The following TBC1D28 variants were observed in gnomAD, a reference collection of about 807,000 sequenced individuals.
TBC1D28 encodes TBC1 domain family member 28.
In TBC1D28, 20 loss-of-function variants were observed where a neutral mutation model predicts 29.2. That is an observed-to-expected ratio of 0.68 (90% CI 0.48 to 0.99). The LOEUF is 0.99. TBC1D28 is among the 50% of genes least tolerant of loss of function. The probability of loss-of-function intolerance (pLI) is 0.00; values close to 1 mark genes in which losing one functional copy is unlikely to be tolerated. For synonymous variants in TBC1D28, 65 were observed against 90.9 expected, an observed-to-expected ratio of 0.71 and a Z score of 1.62; for missense variants, 205 against 243.7, an observed-to-expected ratio of 0.84 and a Z score of 1.06.
chr17:18,639,298 G>A (rs1477199034), intron 4 of TBC1D28, 84 bp from the exon 6 acceptor site: 1 of 1,565,824 alleles, frequency 6.4e-7, no homozygotes, highest in African/African-American at 1.4e-5. Flanking sequence ...GGAAGGACCA[G>A]CCTACCCCCA....
chr17:18,641,413 A>G, intron 2 of TBC1D28, 60 bp from the exon 4 acceptor site: 1 of 1,057,086 alleles, frequency 9.5e-7, no homozygotes, highest in Non-Finnish European at 1.4e-6. Flanking sequence ...GAACAGCCAA[A>G]CCACACGCAC....
At chr17:18,641,658 A>T (rs867441373) in exon 2 of TBC1D28, 1 of 442,734 alleles carries the variant, frequency 2.3e-6, no homozygotes, top group South Asian at 3.5e-5. Flanking sequence ...AACGGCGTCC[A>T]CTTGCTGAGG....
intron 2 of TBC1D28, 24 bp from the exon 4 acceptor site, chr17:18,641,377 G>T (rs368775386): frequency 1.1e-5 from 17 of 1,610,872 alleles, no homozygotes; most frequent in Middle Eastern, 1.6e-4. Context: ...TCATCCCAAG[G>T]CTCTCCCGCA....
chr17:18,640,421 T>A (rs1195606790), intron 4 of TBC1D28, among the ~76,000 whole-genome samples: 1 of 147,830 alleles, frequency 6.8e-6, no homozygotes, highest in Non-Finnish European at 1.5e-5. Flanking sequence ...CAGGCTGGGC[T>A]CCCATTACCA....
In TBC1D28 at chr17:18,638,643, G is replaced by A. The variant is rs760083980; in HGVS notation, c.257C>T (p.Thr86Ile). The change falls in exon 6 of 9, where the codon ACA (threonine) becomes ATA (isoleucine). Residue 86 changes from threonine (T) to isoleucine (I), a missense_variant. Transcript: ENST00000345096. The stretch of plus-strand genomic sequence containing the variant: ...TACCTTCTTGGTGCTCCTATATTTT[G>A]TCCAGTCTGCAAGCATCTTTTGCCA... 10 of 1,614,080 alleles carry A rather than the reference G, an allele frequency of 6.2e-6. No homozygotes were observed. In the African/African-American group the frequency reaches 9.3e-5, roughly 15 times the overall value.
chr17:18,638,931 C>T, intron 5 of TBC1D28: 1 of 789,640 alleles, frequency 1.3e-6, no homozygotes, highest in Non-Finnish European at 2.0e-6. Context: ...TTGGTCAGGT[C>T]CAGCCTTCAG....
upstream of TBC1D28, among the ~76,000 whole-genome samples, chr17:18,644,006 T>C (rs140019697): frequency 5.7e-4 from 86 of 152,016 alleles, no homozygotes; most frequent in South Asian, 2.7e-3. Context: ...TCTAGGGCCA[T>C]AGAGACCAGG....
At chr17:18,638,458 G>C in intron 6 of TBC1D28, 38 bp from the exon 8 acceptor site, 1 of 1,611,830 alleles carries the variant, frequency 6.2e-7, no homozygotes, top group Non-Finnish European at 8.5e-7. Context: ...AAAGGACATG[G>C]GGCAACCCCG....
chr17:18,638,374 C>T (rs763671266), exon 7 of TBC1D28: 9 of 1,614,110 alleles, frequency 5.6e-6, no homozygotes, highest in South Asian at 3.3e-5. Context: ...TGACAACGCC[C>T]GGCCCCGCAC....
chr17:18,636,131 C>A (rs977566140), exon 9 of TBC1D28: 2 of 1,122,724 alleles, frequency 1.8e-6, no homozygotes, highest in African/African-American at 3.2e-5. Flanking sequence ...TGCTATGCTC[C>A]TGTGGGGATC....
At chr17:18,637,379 G>A (rs1018167209) in intron 8 of TBC1D28, among the ~76,000 whole-genome samples, 3 of 125,600 alleles carry the variant, frequency 2.4e-5, no homozygotes, top group African/African-American at 6.6e-5. Flanking sequence ...GGGATGTGTG[G>A]TACGAGGCCA....
downstream of TBC1D28, among the ~76,000 whole-genome samples, chr17:18,634,719 G>C (rs1262419874): frequency 1.3e-5 from 2 of 152,280 alleles, no homozygotes; most frequent in Non-Finnish European, 2.9e-5. Flanking sequence ...AGCCCAGAGA[G>C]AAAGCAGCCC....
At chr17:18,643,259 G>T (rs1369965670), upstream of TBC1D28, among the ~76,000 whole-genome samples, 3 of 152,010 alleles carry the variant, frequency 2.0e-5, no homozygotes, top group Non-Finnish European at 4.4e-5. Flanking sequence ...CAGCTAGACT[G>T]TAAAATGCTG....
intron 5 of TBC1D28, 134 bp downstream of exon 6, chr17:18,639,041 A>G: frequency 2.9e-6 from 4 of 1,376,196 alleles, no homozygotes; most frequent in Non-Finnish European, 4.0e-6. Flanking sequence ...TCCAGCAGGA[A>G]AGGCCACCCC....
At chr17:18,640,647 GC>G (rs2031720229) in intron 4 of TBC1D28, among the ~76,000 whole-genome samples, 1 of 130,228 alleles carries the variant, frequency 7.7e-6, no homozygotes, top group South Asian at 2.7e-4. Flanking sequence ...CAGAGGCCAG[GC>G]CAGGTGCCCT....
At position 18,638,300 on chromosome 17, in the gene TBC1D28, G is replaced by A. The variant is rs752166278; in HGVS notation, c.387+13C>T. 6 of 1,613,202 alleles carry A rather than the reference G, an allele frequency of 3.7e-6. No homozygotes were observed. Among genetic ancestry groups the A allele is most frequent in the South Asian group, 3.3e-5 (3 of 91,052 alleles). ...TGTTTGTACTGCCCTAGCTGAGTGT[G>A]GGAGGGACTTACCTTATATTTGCCT... On this transcript the variant is annotated intron_variant, in intron 7 of 8. Transcript: ENST00000345096.
intron 2 of TBC1D28, 78 bp downstream of exon 3, chr17:18,641,554 C>T (rs1701523260): frequency 1.6e-6 from 1 of 630,850 alleles, no homozygotes; most frequent in Non-Finnish European, 2.8e-6. Context: ...GTGGTGGGCT[C>T]CTTCTTGAGG....
At chr17:18,634,729 C>G (rs1204415499), downstream of TBC1D28, among the ~76,000 whole-genome samples, 9 of 152,264 alleles carry the variant, frequency 5.9e-5, no homozygotes, top group Admixed American at 5.2e-4. Flanking sequence ...GAAAGCAGCC[C>G]GAGGGATTCG....
At chr17:18,643,301 T>A (rs2031850597), upstream of TBC1D28, among the ~76,000 whole-genome samples, 1 of 151,604 alleles carries the variant, frequency 6.6e-6, no homozygotes, top group Admixed American at 6.6e-5. Context: ...TTCCACACAT[T>A]TTTTCACCTC....
Sources: allele counts gnomAD v4.1 joint callset (sites outside exome capture counted in the v4.1 genomes callset), GRCh38; gene constraint gnomAD v4.1.1; transcripts MANE v1.5; gene names NCBI Gene and HGNC (gene_info 2026-07-23, HGNC 2026-07-21).